The following NEO1 variants were observed in gnomAD, a reference collection of about 807,000 sequenced individuals.
NEO1 encodes neogenin 1.
NEO1 carries 63 observed loss-of-function variants against 159.7 expected under a neutral mutation model. The observed-to-expected ratio is 0.39, with a 90% CI of 0.32 to 0.49. NEO1 has a LOEUF of 0.49. NEO1 is among the 20% of genes least tolerant of loss of function. The pLI is 0.85. For missense variants in NEO1, 1,615 were observed against 1,831.0 expected, an observed-to-expected ratio of 0.88 and a Z score of 2.15; for synonymous variants, 633 against 662.0, an observed-to-expected ratio of 0.96 and a Z score of 0.67.
At chr15:73,059,143 C>T (rs1207140753) in intron 1 of NEO1, among the ~76,000 whole-genome samples, 1 of 152,108 alleles carries the variant, frequency 6.6e-6, no homozygotes, top group Non-Finnish European at 1.5e-5. Context: ...GATGCTTACT[C>T]TTAGGCTTGG....
In NEO1 at chr15:73,086,982, A is replaced by G. The variant is rs954255193; in HGVS notation, c.131-29558A>G. The stretch of plus-strand genomic sequence containing the variant: ...GAAACAATTTTATTTGTTCCTTTTC[A>G]TTTGTATGTCTTCTGTTAATTTTCT... On this transcript the variant is annotated intron_variant, in intron 1 of 28. Coordinates refer to ENST00000261908, the MANE Select transcript of NEO1 (RefSeq NM_002499.4). Among the ~76,000 whole-genome samples, 43 of 151,900 alleles carry G rather than the reference A, an allele frequency of 2.8e-4. 1 individual carries two copies. Among genetic ancestry groups the G allele is most frequent in the African/African-American group, 9.7e-4 (40 of 41,332 alleles).
chr15:73,232,813 A>G (rs929315392), intron 7 of NEO1, among the ~76,000 whole-genome samples: 1 of 152,130 alleles, frequency 6.6e-6, no homozygotes, highest in Non-Finnish European at 1.5e-5. Context: ...ACAACACTCC[A>G]TATCAAATGA....
chr15:73,134,168 C>T (rs534854541), intron 4 of NEO1, among the ~76,000 whole-genome samples: 1 of 152,242 alleles, frequency 6.6e-6, no homozygotes, highest in South Asian at 2.1e-4. Context: ...ACCAAAGACC[C>T]GTCTTATCTC....
chr15:73,160,449 G>C (rs1012453425), intron 5 of NEO1, among the ~76,000 whole-genome samples: 2 of 152,102 alleles, frequency 1.3e-5, no homozygotes, highest in Non-Finnish European at 2.9e-5. Flanking sequence ...TCCATGTAGA[G>C]ATATGGCACT....
chr15:73,182,998 T>G (rs1170127791), intron 7 of NEO1, among the ~76,000 whole-genome samples: 3 of 152,166 alleles, frequency 2.0e-5, no homozygotes, highest in African/African-American at 7.2e-5. Flanking sequence ...GAGTTTTAAC[T>G]AAAAGGCCTT....
intron 5 of NEO1, among the ~76,000 whole-genome samples, chr15:73,165,346 A>G (rs768077370): frequency 6.6e-6 from 1 of 152,100 alleles, no homozygotes; most frequent in Non-Finnish European, 1.5e-5. Context: ...CACCTTTTAT[A>G]CTGAGTACTT....
chr15:73,166,828 A>G (rs1222555193), intron 5 of NEO1, among the ~76,000 whole-genome samples: 1 of 152,142 alleles, frequency 6.6e-6, no homozygotes, highest in East Asian at 1.9e-4. Context: ...GTACATGCCA[A>G]CAGATCCATT....
chr15:73,088,568 C>A (rs1420423994), intron 1 of NEO1, among the ~76,000 whole-genome samples: 1 of 151,984 alleles, frequency 6.6e-6, no homozygotes, highest in Non-Finnish European at 1.5e-5. Context: ...AAGAGAAATT[C>A]AATTTATAGA....
intron 7 of NEO1, among the ~76,000 whole-genome samples, chr15:73,234,824 A>G (rs1481879750): frequency 6.6e-6 from 1 of 152,200 alleles, no homozygotes; most frequent in Non-Finnish European, 1.5e-5. Flanking sequence ...CTGCTTGGCT[A>G]TATCCAGAGG....
intron 1 of NEO1, among the ~76,000 whole-genome samples, chr15:73,086,565 T>C (rs2069369057): frequency 1.3e-5 from 2 of 150,192 alleles, no homozygotes; most frequent in South Asian, 4.2e-4. Context: ...GTATGTCTTT[T>C]TTTTTTTTTT....
chr15:73,098,098 C>T (rs893062411), intron 1 of NEO1, among the ~76,000 whole-genome samples: 2 of 152,094 alleles, frequency 1.3e-5, no homozygotes, highest in African/African-American at 4.8e-5. Flanking sequence ...CACACACACA[C>T]ACACCCTCAG....
intron 7 of NEO1, chr15:73,222,179 A>G (rs900457540): frequency 8.0e-6 from 1 of 125,090 alleles, no homozygotes; most frequent in African/African-American, 3.1e-5. Flanking sequence ...ATCTTGGCTC[A>G]CTGCAAGCTC....
chr15:73,077,093 G>A (rs1464018754), intron 1 of NEO1, among the ~76,000 whole-genome samples: 2 of 152,072 alleles, frequency 1.3e-5, no homozygotes, highest in African/African-American at 2.4e-5. Flanking sequence ...GCACAGGCTG[G>A]AGTGTAGTGA....
chr15:73,115,052 CTT>C (rs990657591), intron 1 of NEO1, among the ~76,000 whole-genome samples: 1 of 147,012 alleles, frequency 6.8e-6, no homozygotes, highest in Admixed American at 6.8e-5. Context: ...ACCTGAAACA[CTT>C]TTTTTTTTTG....
chr15:73,268,547 T>G (rs1157249405), intron 16 of NEO1, among the ~76,000 whole-genome samples: 1 of 152,256 alleles, frequency 6.6e-6, no homozygotes, highest in Non-Finnish European at 1.5e-5. Context: ...TTATTTTTAG[T>G]CCTCATTGCA....
intron 1 of NEO1, among the ~76,000 whole-genome samples, chr15:73,053,609 C>T (rs929043373): frequency 6.6e-6 from 1 of 152,110 alleles, no homozygotes; most frequent in Middle Eastern, 3.2e-3. Flanking sequence ...ATTTTCAGTT[C>T]TTTTTTGGAA....
intron 5 of NEO1, among the ~76,000 whole-genome samples, chr15:73,174,254 G>A (rs949597681): frequency 6.6e-6 from 1 of 152,186 alleles, no homozygotes; most frequent in African/African-American, 2.4e-5. Context: ...CTGTTGTTCA[G>A]ACCTTGTTGA....
At position 73,236,330 on chromosome 15, in the gene NEO1, C is replaced by T. The variant is rs755067116; in HGVS notation, c.1292-17C>T. ...TACCTCCCACTTCACTGACCAGTGC[C>T]ACTACTGACCATCTAGCACCAGCCA... On this transcript the variant is annotated splice_polypyrimidine_tract_variant and intron_variant, in intron 7 of 28. Transcript: ENST00000261908. 5.6e-6 allele frequency: 9 copies of T among 1,614,002 alleles called. No individual in the cohort carries two copies. Among genetic ancestry groups the T allele is most frequent in the Non-Finnish European group, 7.6e-6 (9 of 1,180,016 alleles).
chr15:73,184,518 C>T (rs1229681619), intron 7 of NEO1, among the ~76,000 whole-genome samples: 1 of 152,196 alleles, frequency 6.6e-6, no homozygotes, highest in Non-Finnish European at 1.5e-5. Flanking sequence ...CACAAAACCC[C>T]TCAAATGTGT....
Sources: allele counts gnomAD v4.1 joint callset (sites outside exome capture counted in the v4.1 genomes callset), GRCh38; gene constraint gnomAD v4.1.1; transcripts MANE v1.5; gene names NCBI Gene and HGNC (gene_info 2026-07-23, HGNC 2026-07-21).